The following TLL2 variants were observed in gnomAD, a reference collection of about 807,000 sequenced individuals.
TLL2 encodes the protein tolloid like 2, also known as tolloid-like protein 2.
Under a neutral mutation model 123.0 loss-of-function variants are expected in TLL2, and 106 were observed. The ratio of observed to expected loss-of-function variants is 0.86; its 90% CI spans 0.74 to 1.01. TLL2 has a LOEUF of 1.01. Ranked by LOEUF, TLL2 falls within the 50% of genes least tolerant of loss-of-function variation. TLL2 has a pLI of 0.00. For synonymous variants in TLL2, 494 were observed against 516.8 expected, an observed-to-expected ratio of 0.96 and a Z score of 0.60; for missense variants, 1,332 against 1,336.7, an observed-to-expected ratio of 1.00 and a Z score of 0.06.
At chr10:96,447,658 C>T (rs2099715303) in intron 2 of TLL2, among the ~76,000 whole-genome samples, 1 of 152,172 alleles carries the variant, frequency 6.6e-6, no homozygotes, top group South Asian at 2.1e-4. Context: ...CCAGGAGAGA[C>T]TATTACACAC....
chr10:96,488,285 C>T (rs1847376284), intron 1 of TLL2, among the ~76,000 whole-genome samples: 1 of 152,236 alleles, frequency 6.6e-6, no homozygotes, highest in African/African-American at 2.4e-5. Flanking sequence ...TTGGGAGGCA[C>T]TGACTTAGCG....
chr10:96,412,702 T>C (rs926160290), intron 8 of TLL2, among the ~76,000 whole-genome samples: 1 of 152,152 alleles, frequency 6.6e-6, no homozygotes, highest in Non-Finnish European at 1.5e-5. Flanking sequence ...AGCTCATTAA[T>C]AGCACTGAGA....
intron 1 of TLL2, among the ~76,000 whole-genome samples, chr10:96,504,706 T>A (rs776759446): frequency 6.6e-6 from 1 of 152,154 alleles, no homozygotes; most frequent in Non-Finnish European, 1.5e-5. Flanking sequence ...CTCACACTAC[T>A]GTAAAGATAC....
chr10:96,465,240 G>A lies in TLL2; in HGVS notation c.286+15109C>T, dbSNP rs1847117293. Reference sequence around the variant, plus strand: ...TAAGAGACAATGTCGGTAAATAGAGGTTAAGGTAACCAGTGCTTTCCTGGG... The same window carrying A: ...TAAGAGACAATGTCGGTAAATAGAGATTAAGGTAACCAGTGCTTTCCTGGG... On this transcript the variant is annotated intron_variant, in intron 2 of 20. Transcript: ENST00000357947. Among the ~76,000 whole-genome samples the A allele has an allele frequency of 2.0e-5, 3 of 152,234 alleles. No individual in the cohort carries two copies. The South Asian group carries it at 6.2e-4, about 31-fold the overall frequency.
intron 16 of TLL2, among the ~76,000 whole-genome samples, chr10:96,379,990 G>A (rs1788252742): frequency 6.6e-6 from 1 of 152,332 alleles, no homozygotes; most frequent in Admixed American, 6.5e-5. Flanking sequence ...CACAGCAGAG[G>A]GCCAGCCCTA....
In TLL2 at chr10:96,429,787, A is replaced by T. The variant is rs190510662; in HGVS notation, c.521-1039T>A. On this transcript the variant is annotated intron_variant, in intron 4 of 20. Coordinates refer to ENST00000357947, the MANE Select transcript of TLL2 (RefSeq NM_012465.4). ...GTCTTGTGGGGAATCCTTGAGCCTAATTTTTCTTCCAGGCCTTTGAAAATA... is the reference window on the plus strand; with the variant it reads ...GTCTTGTGGGGAATCCTTGAGCCTATTTTTTCTTCCAGGCCTTTGAAAATA... Among the ~76,000 whole-genome samples, 15 of 152,226 alleles carry T rather than the reference A, an allele frequency of 9.9e-5. No individual in the cohort carries two copies. The South Asian group carries it at 2.9e-3, about 29-fold the overall frequency.
At chr10:96,432,433 G>C (rs1363950189) in intron 4 of TLL2, among the ~76,000 whole-genome samples, 12 of 152,086 alleles carry the variant, frequency 7.9e-5, no homozygotes, top group Non-Finnish European at 1.5e-5. Context: ...CTGAGTCCAG[G>C]ACGCTCATCC....
At chr10:96,510,752 T>C (rs1234955842) in intron 1 of TLL2, among the ~76,000 whole-genome samples, 2 of 152,204 alleles carry the variant, frequency 1.3e-5, no homozygotes, top group Non-Finnish European at 2.9e-5. Context: ...TACCAGTTTG[T>C]TCAGCTTCTA....
At chr10:96,413,061 C>T in intron 8 of TLL2, 131 bp downstream of exon 8, 1 of 1,336,766 alleles carries the variant, frequency 7.5e-7, no homozygotes, top group Non-Finnish European at 1.0e-6. Context: ...GCACCTCCTA[C>T]CAGAAGGACA....
chr10:96,480,528 C>T (rs866678327), intron 1 of TLL2, 69 bp from the exon 2 acceptor site: 1 of 1,233,132 alleles, frequency 8.1e-7, no homozygotes. Flanking sequence ...ACTAATGCCC[C>T]AAAGGGCATT....
intron 3 of TLL2, among the ~76,000 whole-genome samples, chr10:96,435,127 G>A (rs1177270852): frequency 1.3e-5 from 2 of 151,070 alleles, no homozygotes; most frequent in East Asian, 1.9e-4. Flanking sequence ...TGCCTCCCGG[G>A]TTCATGCCAT....
chr10:96,379,264 G>A (rs1046238075), intron 16 of TLL2, among the ~76,000 whole-genome samples, 172 bp from the exon 17 acceptor site: 3 of 152,112 alleles, frequency 2.0e-5, no homozygotes, highest in African/African-American at 7.2e-5. Flanking sequence ...CTTCACCTCA[G>A]GTTTCTTGGG....
chr10:96,388,810 G>T (rs775640263), intron 13 of TLL2, among the ~76,000 whole-genome samples: 3 of 152,174 alleles, frequency 2.0e-5, no homozygotes, highest in Non-Finnish European at 4.4e-5. Context: ...CGGTAAAGGA[G>T]GGTTTGTAAA....
chr10:96,450,382 C>T (rs755332830), intron 2 of TLL2, among the ~76,000 whole-genome samples: 1 of 152,140 alleles, frequency 6.6e-6, no homozygotes, highest in Non-Finnish European at 1.5e-5. Context: ...AAAATACTGG[C>T]GTCTGGGTCC....
At chr10:96,498,672 C>T (rs1382617418) in intron 1 of TLL2, among the ~76,000 whole-genome samples, 1 of 152,210 alleles carries the variant, frequency 6.6e-6, no homozygotes, top group African/African-American at 2.4e-5. Context: ...TGAGATGAAG[C>T]ACAAGTGACA....
intron 7 of TLL2, among the ~76,000 whole-genome samples, chr10:96,415,396 T>C (rs1246937198): frequency 6.6e-6 from 1 of 152,136 alleles, no homozygotes; most frequent in African/African-American, 2.4e-5. Flanking sequence ...AAGCCTTTTC[T>C]ACTCCTCCCA....
At chr10:96,394,723 C>T (rs1490095296) in intron 13 of TLL2, among the ~76,000 whole-genome samples, 1 of 152,186 alleles carries the variant, frequency 6.6e-6, no homozygotes, top group African/African-American at 2.4e-5. Flanking sequence ...ATTAGATCCC[C>T]GATCTGCCAC....
chr10:96,397,279 G>A lies in TLL2; in HGVS notation c.1291C>T (p.Pro431Ser), dbSNP rs1846351619. Reference protein sequence around the residue: ...LLGRFCGDKIPEPLVSTDSRL... With the variant: ...LLGRFCGDKISEPLVSTDSRL... ...CTGTCCGTGGAGACGAGGGGCTCCGGGATCTTATCGCCACAAAACCTGCCT... is the reference window on the plus strand; with the variant it reads ...CTGTCCGTGGAGACGAGGGGCTCCGAGATCTTATCGCCACAAAACCTGCCT... Residue 431 changes from proline (P) to serine (S), a missense_variant, in exon 11 of 21, where the codon CCG becomes TCG. Pro to Ser is a moderately conservative substitution (Grantham distance 74). Coordinates refer to ENST00000357947, the MANE Select transcript of TLL2 (RefSeq NM_012465.4). The A allele has an allele frequency of 1.2e-6, 2 of 1,613,372 alleles. No homozygotes were observed. The highest frequency in any genetic ancestry group is 1.7e-6 in the Non-Finnish European group (2 of 1,179,660).
chr10:96,416,525 C>T (rs1846563383), intron 7 of TLL2, among the ~76,000 whole-genome samples: 1 of 152,220 alleles, frequency 6.6e-6, no homozygotes, highest in Admixed American at 6.5e-5. Context: ...CAGAGGTAGT[C>T]ATGGAGAGGC....
Sources: allele counts gnomAD v4.1 joint callset (sites outside exome capture counted in the v4.1 genomes callset), GRCh38; gene constraint gnomAD v4.1.1; transcripts MANE v1.5; gene names NCBI Gene and HGNC (gene_info 2026-07-23, HGNC 2026-07-21).